The following MIPEP variants were observed in gnomAD, a reference collection of about 807,000 sequenced individuals.
The protein encoded by MIPEP is mitochondrial intermediate peptidase.
MIPEP carries 79 observed loss-of-function variants against 90.3 expected under a neutral mutation model. The observed-to-expected ratio is 0.87, with a 90% CI of 0.73 to 1.05. The LOEUF (loss-of-function observed/expected upper bound fraction) is 1.05. MIPEP is among the 50% of genes least tolerant of loss of function. The pLI is 0.00. For synonymous variants in MIPEP, 334 were observed against 315.8 expected (o/e 1.06, Z -0.61); for missense variants, 940 against 905.6 (o/e 1.04, Z -0.49).
chr13:23,805,359 T>C (rs545419259), intron 16 of MIPEP, among the ~76,000 whole-genome samples: 2 of 152,304 alleles, frequency 1.3e-5, no homozygotes, highest in South Asian at 4.2e-4. Context: ...ACATATAATG[T>C]GTCTGTGCCT....
intron 5 of MIPEP, 152 bp from the exon 6 acceptor site, chr13:23,870,347 CTAT>C (rs1224527147): frequency 5.8e-6 from 2 of 343,654 alleles, no homozygotes; most frequent in Non-Finnish European, 1.0e-5. Context: ...TATATTGTTA[CTAT>C]ATTATAAATA....
At chr13:23,852,643 T>A (rs978978586) in intron 10 of MIPEP, among the ~76,000 whole-genome samples, 7 of 152,244 alleles carry the variant, frequency 4.6e-5, no homozygotes, top group Non-Finnish European at 1.0e-4. Context: ...TTAGGTACAG[T>A]ACACAACACT....
intron 18 of MIPEP, among the ~76,000 whole-genome samples, chr13:23,750,607 T>G (rs949927753): frequency 3.0e-4 from 45 of 152,358 alleles, no homozygotes; most frequent in African/African-American, 9.9e-4. Context: ...GAGGTCGTAT[T>G]TGTCATTTCC....
intron 16 of MIPEP, among the ~76,000 whole-genome samples, chr13:23,767,971 A>C (rs991512319): frequency 2.0e-5 from 3 of 152,156 alleles, no homozygotes; most frequent in Non-Finnish European, 4.4e-5. Context: ...CATTTCCCAG[A>C]TGCCCCGAGG....
chr13:23,815,900 T>G (rs1453873005), intron 14 of MIPEP, among the ~76,000 whole-genome samples: 2 of 152,214 alleles, frequency 1.3e-5, no homozygotes, highest in Non-Finnish European at 2.9e-5. Flanking sequence ...ATCTGCGGGT[T>G]CTAGCTCATA....
chr13:23,814,969 C>G (rs1355653314), intron 14 of MIPEP, among the ~76,000 whole-genome samples: 1 of 152,180 alleles, frequency 6.6e-6, no homozygotes, highest in African/African-American at 2.4e-5. Context: ...ACTTACTGAA[C>G]TGTGAAGCCA....
intron 16 of MIPEP, among the ~76,000 whole-genome samples, chr13:23,785,624 TAA>T (rs67915328): frequency 0.011 from 1,260 of 119,208 alleles, 10 homozygotes; most frequent in Middle Eastern, 0.036. Flanking sequence ...TAAAGTATAA[TAA>T]AAAAAAAAAA....
chr13:23,783,072 T>C lies in MIPEP; in HGVS notation c.1849-22855A>G, dbSNP rs903563906. ...TTCCTTCTGAAACTATTCCAATCAA[T>C]AGAAAAAGAGGGAATCCTCCCTAAC... is the stretch of plus-strand genomic sequence containing the variant. On this transcript the variant is annotated intron_variant, in intron 16 of 18. Coordinates refer to ENST00000382172, the MANE Select transcript of MIPEP (RefSeq NM_005932.4). Among the ~76,000 whole-genome samples the C allele has an allele frequency of 2.0e-5, 3 of 151,950 alleles. No homozygotes were observed. In the East Asian group the frequency reaches 5.8e-4, roughly 29 times the overall value.
intron 14 of MIPEP, among the ~76,000 whole-genome samples, chr13:23,820,742 C>T (rs57361695): frequency 5.9e-5 from 9 of 152,300 alleles, no homozygotes; most frequent in Non-Finnish European, 1.0e-4. Context: ...GGTGTCCTGC[C>T]GCTCTGGTGC....
intron 18 of MIPEP, among the ~76,000 whole-genome samples, chr13:23,754,400 A>G (rs983399723): frequency 1.3e-5 from 2 of 152,250 alleles, no homozygotes; most frequent in Admixed American, 1.3e-4. Context: ...CATTAAGAAA[A>G]ATATTAAAAT....
chr13:23,835,846 T>C (rs1869014074), intron 14 of MIPEP, among the ~76,000 whole-genome samples: 1 of 152,140 alleles, frequency 6.6e-6, no homozygotes, highest in African/African-American at 2.4e-5. Flanking sequence ...TGAGACAACA[T>C]AAAAATTCAG....
intron 1 of MIPEP, among the ~76,000 whole-genome samples, chr13:23,888,466 TA>T (rs1871617513): frequency 6.6e-6 from 1 of 151,968 alleles, no homozygotes; most frequent in East Asian, 1.9e-4. Flanking sequence ...AGGCATCAGG[TA>T]AGTCCTTTCC....
intron 10 of MIPEP, among the ~76,000 whole-genome samples, chr13:23,857,289 T>C (rs540628486): frequency 3.9e-5 from 6 of 152,316 alleles, no homozygotes; most frequent in Non-Finnish European, 7.3e-5. Flanking sequence ...TTATAGACTT[T>C]GAATAACAGT....
chr13:23,744,979 T>C (rs1439418412), intron 18 of MIPEP, among the ~76,000 whole-genome samples: 1 of 152,232 alleles, frequency 6.6e-6, no homozygotes, highest in Non-Finnish European at 1.5e-5. Context: ...CTCAGTTTTA[T>C]TTAAACTGCT....
intron 16 of MIPEP, among the ~76,000 whole-genome samples, chr13:23,793,025 TG>T (rs1310527274): frequency 1.3e-5 from 2 of 152,222 alleles, no homozygotes; most frequent in Non-Finnish European, 2.9e-5. Flanking sequence ...TAACTCATGA[TG>T]ATCACTTTGA....
chr13:23,839,583 G>T, intron 12 of MIPEP, 66 bp downstream of exon 12: 1 of 1,029,952 alleles, frequency 9.7e-7, no homozygotes, highest in Non-Finnish European at 1.4e-6. Context: ...ATGATACAAA[G>T]TTCACATCAA....
chr13:23,763,686 T>G (rs1312859851), intron 16 of MIPEP, among the ~76,000 whole-genome samples: 2 of 152,204 alleles, frequency 1.3e-5, no homozygotes. Flanking sequence ...TCAGGATTTG[T>G]GCATGCATCA....
chr13:23,867,385 T>C (rs955060454), intron 7 of MIPEP, among the ~76,000 whole-genome samples: 2 of 152,154 alleles, frequency 1.3e-5, no homozygotes, highest in African/African-American at 2.4e-5. Flanking sequence ...CTTGTGTCTG[T>C]CAAGAGCACG....
rs5802254 is a variant in MIPEP at position 23,796,582 on chromosome 13, T to TAA, written c.1848+9366_1848+9367dup. ...AAATTTTTCTTCTTTTTGGGACTACTAAAAAAAAAAAACAAAAAAACTCCA... is the reference window on the plus strand; with the variant it reads ...AAATTTTTCTTCTTTTTGGGACTACTAAAAAAAAAAAAAACAAAAAAACTCCA... On this transcript the variant is annotated intron_variant, in intron 16 of 18. Coordinates refer to ENST00000382172, the MANE Select transcript of MIPEP (RefSeq NM_005932.4). Among the ~76,000 whole-genome samples, 309 of 143,742 alleles carry TAA rather than the reference T, an allele frequency of 2.1e-3. 1 individual carries two copies. Among genetic ancestry groups the TAA allele is most frequent in the African/African-American group, 6.5e-3 (260 of 39,774 alleles). The allele number at this position is 143,742 out of a possible 152,430, so 94.3% of individuals were successfully genotyped here. A position where few individuals can be genotyped will look rare whatever the true frequency, so the allele number is the denominator to read the frequency against.
Sources: gnomAD v4.1 joint callset for allele counts (sites outside exome capture counted in the v4.1 genomes callset) on GRCh38, gnomAD v4.1.1 for gene constraint, MANE v1.5 for transcripts, NCBI Gene and HGNC (gene_info 2026-07-23, HGNC 2026-07-21) for gene names.